Variants in HPSE2 observed in about 807,000 individuals in gnomAD.
HPSE2 encodes the protein heparanase 2 (inactive).
In HPSE2, 38 loss-of-function variants were observed where a neutral mutation model predicts 60.5. The observed-to-expected ratio is 0.63, with a 90% CI of 0.48 to 0.82. HPSE2 has a LOEUF of 0.82. HPSE2 is among the 40% of genes least tolerant of loss of function. The pLI is 0.00. For synonymous variants in HPSE2, 295 were observed against 293.2 expected (o/e 1.01, Z -0.06); for missense variants, 713 against 740.4 (o/e 0.96, Z 0.43).
intron 2 of HPSE2, among the ~76,000 whole-genome samples, chr10:99,144,933 G>T (rs1845994143): frequency 6.6e-6 from 1 of 151,954 alleles, no homozygotes; most frequent in Admixed American, 6.6e-5. Flanking sequence ...GGTTTTTTCT[G>T]CTATTTTTCA....
intron 3 of HPSE2, among the ~76,000 whole-genome samples, chr10:98,793,476 A>T (rs1481063178): frequency 6.6e-6 from 1 of 152,224 alleles, no homozygotes; most frequent in African/African-American, 2.4e-5. Context: ...ATTACTGAGC[A>T]CCTGCTATTG....
chr10:98,688,208 T>A (rs1320034010), intron 6 of HPSE2, among the ~76,000 whole-genome samples: 1 of 152,102 alleles, frequency 6.6e-6, no homozygotes, highest in Non-Finnish European at 1.5e-5. Flanking sequence ...AACACTATAA[T>A]TCCATTTACT....
the HPSE2 span, among the ~76,000 whole-genome samples, chr10:99,259,162 C>T: frequency 6.6e-6 from 1 of 151,824 alleles, no homozygotes; most frequent in Admixed American, 6.6e-5. Flanking sequence ...AAAAATTAAC[C>T]AGGCATGATG....
intron 3 of HPSE2, among the ~76,000 whole-genome samples, chr10:98,825,046 C>T (rs1951511429): frequency 6.6e-6 from 1 of 152,162 alleles, no homozygotes. Context: ...GATCTTTATT[C>T]TTGCAAACAA....
At chr10:98,822,482 A>C (rs550189015) in intron 3 of HPSE2, among the ~76,000 whole-genome samples, 40 of 152,344 alleles carry the variant, frequency 2.6e-4, no homozygotes, top group African/African-American at 8.9e-4. Context: ...TGAAATACTA[A>C]GCACGAATTT....
At chr10:98,633,793 G>A (rs758908303) in intron 7 of HPSE2, among the ~76,000 whole-genome samples, 6 of 152,106 alleles carry the variant, frequency 3.9e-5, no homozygotes, top group Non-Finnish European at 8.8e-5. Context: ...TCCTTGGCGC[G>A]TGTTTCTCTT....
intron 3 of HPSE2, among the ~76,000 whole-genome samples, chr10:98,816,934 C>A (rs1285053223): frequency 6.6e-6 from 1 of 151,978 alleles, no homozygotes; most frequent in African/African-American, 2.4e-5. Flanking sequence ...CTGAAGTAAT[C>A]TTACCTTCTA....
In HPSE2 at chr10:98,743,863, G is replaced by A. The variant is rs184764376; in HGVS notation, c.784+20C>T. 1.2e-3 allele frequency: 1,921 copies of A among 1,600,542 alleles called. 6 individuals are homozygous for A. Among genetic ancestry groups the A allele is most frequent in the Admixed American group, 1.5e-3 (88 of 59,998 alleles). On this transcript the variant is annotated intron_variant, in intron 4 of 11. Coordinates refer to ENST00000370552, the MANE Select transcript of HPSE2 (RefSeq NM_021828.5). Reference sequence around the variant, plus strand: ...TCCCCTTTATTTTGTCAATTCAGAGGAAGTAACATCCTTACTTACCATTAC... The same window carrying A: ...TCCCCTTTATTTTGTCAATTCAGAGAAAGTAACATCCTTACTTACCATTAC...
intron 9 of HPSE2, among the ~76,000 whole-genome samples, chr10:98,500,689 A>T (rs902495258): frequency 2.0e-5 from 3 of 152,178 alleles, no homozygotes; most frequent in African/African-American, 7.2e-5. Flanking sequence ...GCAGAGCTAA[A>T]TGAAATTGAA....
At chr10:98,879,833 A>T (rs779639351) in intron 3 of HPSE2, among the ~76,000 whole-genome samples, 1 of 146,502 alleles carries the variant, frequency 6.8e-6, no homozygotes, top group Non-Finnish European at 1.5e-5. Flanking sequence ...ACTGGGAAAC[A>T]ACAGTTGGTG....
At chr10:99,244,382 TTTATTATTATTATTA>T in the HPSE2 span, among the ~76,000 whole-genome samples, 1 of 134,182 alleles carries the variant, frequency 7.5e-6, no homozygotes, top group African/African-American at 2.7e-5. Context: ...TTTTATTTCT[TTTATTATTATTATTA>T]TTATTATTAT....
intron 3 of HPSE2, among the ~76,000 whole-genome samples, chr10:98,845,599 T>C (rs1311427693): frequency 6.6e-6 from 1 of 152,240 alleles, no homozygotes; most frequent in Non-Finnish European, 1.5e-5. Context: ...GGTGACCACT[T>C]TGTGGAACAA....
At chr10:98,582,922 CA>C (rs1463961585) in intron 9 of HPSE2, among the ~76,000 whole-genome samples, 1 of 152,232 alleles carries the variant, frequency 6.6e-6, no homozygotes, top group Middle Eastern at 3.4e-3. Flanking sequence ...CTGCCACCCC[CA>C]ACCGTTTTCT....
At chr10:99,013,458 T>C in intron 3 of HPSE2, 1 of 467,132 alleles carries the variant, frequency 2.1e-6, no homozygotes. Flanking sequence ...AGGAAATGTA[T>C]ATTATTATGA....
intron 3 of HPSE2, among the ~76,000 whole-genome samples, chr10:98,861,010 T>C (rs1952446477): frequency 6.6e-6 from 1 of 152,182 alleles, no homozygotes; most frequent in African/African-American, 2.4e-5. Flanking sequence ...CAAATGCATC[T>C]ACTGCAAATA....
Position 99,175,116 on chromosome 10 carries a change from C to A in HPSE2, c.449-30717G>T, listed in dbSNP as rs564576078. Among the ~76,000 whole-genome samples, 20 of 152,316 alleles carry A rather than the reference C, an allele frequency of 1.3e-4. No individual in the cohort carries two copies. In the South Asian group the frequency reaches 3.5e-3, roughly 27 times the overall value. On this transcript the variant is annotated intron_variant, in intron 2 of 11. Transcript: ENST00000370552. ...ATGCTTTTCCCGTGGTCTTCACAAC[C>A]CACAGACCAGGAGGTACCCTCAGGT...
intron 9 of HPSE2, among the ~76,000 whole-genome samples, chr10:98,508,627 T>C (rs1329057924): frequency 6.6e-6 from 1 of 152,154 alleles, no homozygotes; most frequent in Non-Finnish European, 1.5e-5. Context: ...CAGGACTCTA[T>C]GAGAGCAGAC....
At chr10:99,087,614 C>CG (rs1224980812) in intron 3 of HPSE2, among the ~76,000 whole-genome samples, 5 of 152,074 alleles carry the variant, frequency 3.3e-5, no homozygotes, top group Non-Finnish European at 5.9e-5. Context: ...CATGCGTAAC[C>CG]GGGTGGGATC....
At chr10:98,854,650 A>C (rs1589952900) in intron 3 of HPSE2, among the ~76,000 whole-genome samples, 3 of 152,346 alleles carry the variant, frequency 2.0e-5, no homozygotes, top group Admixed American at 2.0e-4. Context: ...CAAGGAGTTG[A>C]AATTCTGGTA....
Sources: allele counts gnomAD v4.1 joint callset (sites outside exome capture counted in the v4.1 genomes callset), GRCh38; gene constraint gnomAD v4.1.1; transcripts MANE v1.5; gene names NCBI Gene and HGNC (gene_info 2026-07-23, HGNC 2026-07-21).